The following LMBRD2 variants were observed in gnomAD, a reference collection of about 807,000 sequenced individuals.
LMBRD2 encodes the protein G protein-coupled receptor-associated protein LMBRD2.
In LMBRD2, 55 loss-of-function variants were observed where a neutral mutation model predicts 94.4. The observed-to-expected ratio is 0.58, with a 90% CI of 0.47 to 0.73. LMBRD2 has a LOEUF of 0.73. Among genes scored for constraint, LMBRD2 ranks in the 30% least tolerant of loss-of-function variants. The pLI, the probability that LMBRD2 is intolerant of heterozygous loss-of-function variation, is 0.00. For missense variants in LMBRD2, 640 were observed against 831.9 expected (o/e 0.77, Z 2.84); for synonymous variants, 246 against 272.4 (o/e 0.90, Z 0.95).
At position 36,141,202 on chromosome 5, in the gene LMBRD2, G is replaced by A. The variant is rs528957551; in HGVS notation, c.273C>T (p.Ser91=). The stretch of plus-strand genomic sequence containing the variant: ...TCCATGGCTTGAAACAAGGATGCTG[G>A]CTGTTGAATAAAAAGTTAAAGCCAA... ...GLYATANPVP[S]QHPCFKPWSY... Residue 91 remains serine, a splice_region_variant and synonymous_variant, in exon 4 of 18, where the codon AGC becomes AGT. Coordinates refer to ENST00000296603, the MANE Select transcript of LMBRD2 (RefSeq NM_001007527.2). 1.9e-6 allele frequency: 3 copies of A among 1,587,774 alleles called. No homozygotes were observed. The highest frequency in any genetic ancestry group is 4.5e-5 in the East Asian group (2 of 44,570).
chr5:36,126,078 T>C (rs1744000868), intron 6 of LMBRD2, among the ~76,000 whole-genome samples: 1 of 152,208 alleles, frequency 6.6e-6, no homozygotes, highest in Non-Finnish European at 1.5e-5. Context: ...AAGCCCTTAA[T>C]CATGGTTTAT....
chr5:36,142,918 T>C (rs62353821), intron 2 of LMBRD2, among the ~76,000 whole-genome samples: 47,130 of 151,520 alleles, frequency 0.31, 8,134 homozygotes, highest in Non-Finnish European at 0.39. Flanking sequence ...GTAGAGACGG[T>C]GTTTCACCGT....
In LMBRD2 at chr5:36,105,519, C is replaced by T. The variant is rs541600545; in HGVS notation, c.1898-322G>A. On this transcript the variant is annotated intron_variant, in intron 16 of 17. Coordinates refer to ENST00000296603, the MANE Select transcript of LMBRD2 (RefSeq NM_001007527.2). ...TCACAATGGTGAAACTGTTTATTAA[C>T]AAAAGTAGTTTGAGTTGGTTTTACA... Among the ~76,000 whole-genome samples, 3 of 152,176 alleles carry T rather than the reference C, an allele frequency of 2.0e-5. No individual in the cohort carries two copies. The South Asian group carries it at 6.2e-4, about 32-fold the overall frequency.
At chr5:36,105,989 T>G (rs997271070) in intron 16 of LMBRD2, among the ~76,000 whole-genome samples, 1 of 152,184 alleles carries the variant, frequency 6.6e-6, no homozygotes, top group African/African-American at 2.4e-5. Context: ...CTATCATATT[T>G]ACATTTTTGT....
Position 36,101,813 on chromosome 5 carries a change from C to T in LMBRD2, c.*2233G>A, listed in dbSNP as rs927142218. On this transcript the variant is annotated 3_prime_UTR_variant, in exon 18 of 18. Coordinates refer to ENST00000296603, the MANE Select transcript of LMBRD2 (RefSeq NM_001007527.2). ...CTATACCGGTTGTGAAGTGTATGCA[C>T]GTATACACTTCAATTATTATAACCA... The T allele has an allele frequency of 6.6e-5, 10 of 151,820 alleles. No individual in the cohort carries two copies. Among genetic ancestry groups the T allele is most frequent in the East Asian group, 5.8e-4 (3 of 5,174 alleles). 9.4% of individuals were successfully genotyped at this position (151,820 alleles called of 1,614,324 possible). A position where few individuals can be genotyped will look rare whatever the true frequency, so the allele number is the denominator to read the frequency against.
chr5:36,105,901 T>C (rs1434610413), intron 16 of LMBRD2, among the ~76,000 whole-genome samples: 1 of 152,162 alleles, frequency 6.6e-6, no homozygotes, highest in Non-Finnish European at 1.5e-5. Context: ...ATTTTCACAA[T>C]GTTGTTCAGA....
intron 15 of LMBRD2, among the ~76,000 whole-genome samples, chr5:36,109,311 AGAG>A (rs1743548940): frequency 6.6e-6 from 1 of 152,224 alleles, no homozygotes; most frequent in African/African-American, 2.4e-5. Flanking sequence ...AAATTCCCAT[AGAG>A]AAGAGAAATC....
intron 16 of LMBRD2, 126 bp from the exon 17 acceptor site, chr5:36,105,323 G>C: frequency 1.2e-6 from 1 of 807,932 alleles, no homozygotes; most frequent in Non-Finnish European, 2.0e-6. Context: ...CATAAGAAAA[G>C]ATAACTACAT....
chr5:36,109,780 G>A (rs953269577), intron 15 of LMBRD2, among the ~76,000 whole-genome samples, 165 bp downstream of exon 15: 3 of 151,958 alleles, frequency 2.0e-5, no homozygotes, highest in Non-Finnish European at 4.4e-5. Flanking sequence ...GATACTTAGC[G>A]TATATACCTG....
At position 36,105,112 on chromosome 5, in the gene LMBRD2, A is replaced by C; in HGVS notation, c.1983T>G (p.Asn661Lys). 1 of 1,612,938 alleles carries C rather than the reference A, an allele frequency of 6.2e-7. No homozygotes were observed. The highest frequency in any genetic ancestry group is 2.2e-5 in the East Asian group (1 of 44,798). The change falls in exon 17 of 18, where the codon AAT becomes AAG. Residue 661 changes from asparagine to lysine, a missense_variant. Coordinates refer to ENST00000296603, the MANE Select transcript of LMBRD2 (RefSeq NM_001007527.2). ...GAGGATCATCAGTGAATGTTTCTGC[A>C]TTAAAATCCAAAGGTTCTGCATCTT... ...LLQDAEPLDF[N>K]AETFTDDPLE...
intron 8 of LMBRD2, 73 bp from the exon 9 acceptor site, chr5:36,122,536 T>C (rs1743911273): frequency 1.6e-6 from 2 of 1,257,662 alleles, no homozygotes; most frequent in Admixed American, 2.3e-5. Flanking sequence ...CTAGGGAGCA[T>C]GTTTGGATTG....
chr5:36,131,831 A>C (rs1054430867), intron 6 of LMBRD2, among the ~76,000 whole-genome samples: 2 of 152,130 alleles, frequency 1.3e-5, no homozygotes, highest in African/African-American at 2.4e-5. Flanking sequence ...CACAAAAAAT[A>C]AAAAGGTATT....
Position 36,108,601 on chromosome 5 carries a change from G to A in LMBRD2, c.1830C>T (p.Ser610=). ...CAGTATGAATATTTCTGTTCCTAGT[G>A]GAATCTTCTCTATTGTGTCCATAAC... ...KERYGHNRED[S]TRNRNIHTDP... Residue 610 remains serine (S), a synonymous_variant, in exon 16 of 18, where the codon TCC becomes TCT. Coordinates refer to ENST00000296603, the MANE Select transcript of LMBRD2 (RefSeq NM_001007527.2). 6.3e-7 allele frequency: 1 copy of A among 1,592,634 alleles called. No homozygotes were observed. Among genetic ancestry groups the A allele is most frequent in the Non-Finnish European group, 8.6e-7 (1 of 1,165,410 alleles).
In LMBRD2 at chr5:36,139,036, G is replaced by A. The variant is rs1476257117; in HGVS notation, c.369-1595C>T. Among the ~76,000 whole-genome samples, 8 of 152,276 alleles carry A rather than the reference G, an allele frequency of 5.3e-5. No individual in the cohort carries two copies. The East Asian group carries it at 9.7e-4, about 18-fold the overall frequency. ...AGAGGTGGGAGCCCCACCCCCTTCC[G>A]AGTTGGCGGGGCAGGAGCCCTGCTC... is the stretch of plus-strand genomic sequence containing the variant. On this transcript the variant is annotated intron_variant, in intron 4 of 17. Transcript: ENST00000296603.
chr5:36,118,841 G>T (rs1167937613), intron 9 of LMBRD2, among the ~76,000 whole-genome samples: 1 of 151,564 alleles, frequency 6.6e-6, no homozygotes, highest in African/African-American at 2.4e-5. Flanking sequence ...TATTAGACAC[G>T]TGCCACCATG....
rs1296137941 is a variant in LMBRD2 at position 36,101,571 on chromosome 5, C to T, written c.*2475G>A. The T allele has an allele frequency of 6.6e-6, 1 of 151,920 alleles. No homozygotes were observed. Among genetic ancestry groups the T allele is most frequent in the East Asian group, 1.9e-4 (1 of 5,184 alleles). The allele number at this position is 151,920 out of a possible 1,614,324, so 9.4% of individuals were successfully genotyped here. ...CTTCTACCCATTACAGTTTTTTACA[C>T]AGGGTGGCTTGACAAATATTAACTT... On this transcript the variant is annotated 3_prime_UTR_variant, in exon 18 of 18. Transcript: ENST00000296603.
chr5:36,120,851 A>G (rs1743873547), intron 9 of LMBRD2, among the ~76,000 whole-genome samples: 1 of 152,080 alleles, frequency 6.6e-6, no homozygotes, highest in South Asian at 2.1e-4. Context: ...TTTCCTCAAA[A>G]CACTTCATTG....
chr5:36,141,118 T>C lies in LMBRD2; in HGVS notation c.357A>G (p.Gln119=), dbSNP rs142171662. Residue 119 remains glutamine, a synonymous_variant, in exon 4 of 18, where the codon CAA becomes CAG. Transcript: ENST00000296603. ...IFWRVVYWTS[Q]FLTWILLPFM... The stretch of plus-strand genomic sequence containing the variant: ...TTACTGTAACTTACCATGTTAAAAA[T>C]TGTGACGTCCAATACACTACCCTCC... The C allele has an allele frequency of 1.8e-5, 29 of 1,586,212 alleles. No homozygotes were observed. Among genetic ancestry groups the C allele is most frequent in the Non-Finnish European group, 1.6e-5 (18 of 1,160,014 alleles).
intron 9 of LMBRD2, 56 bp downstream of exon 9, chr5:36,122,224 C>A (rs1459790174): frequency 1.5e-6 from 2 of 1,294,256 alleles, no homozygotes; most frequent in Admixed American, 4.8e-5. Flanking sequence ...TACATAACTT[C>A]TTTCTACAGA....
Sources: allele counts gnomAD v4.1 joint callset (sites outside exome capture counted in the v4.1 genomes callset), GRCh38; gene constraint gnomAD v4.1.1; transcripts MANE v1.5; gene names NCBI Gene and HGNC (gene_info 2026-07-23, HGNC 2026-07-21).